FARS2: variants seen among roughly 807,000 people sequenced by gnomAD.
FARS2 encodes the protein phenylalanyl-tRNA synthetase 2, mitochondrial, also known as phenylalanine--tRNA ligase, mitochondrial.
A neutral mutation model predicts 46.4 loss-of-function variants in FARS2; 40 were observed. That is an observed-to-expected ratio of 0.86 (90% confidence interval 0.67 to 1.12). FARS2 has a LOEUF of 1.12. FARS2 is among the 50% of genes most tolerant of loss of function. The probability of loss-of-function intolerance (pLI) is 0.00; values close to 1 mark genes in which losing one functional copy is unlikely to be tolerated. For synonymous variants in FARS2, 234 were observed against 214.9 expected, an observed-to-expected ratio of 1.09 and a Z score of -0.78; for missense variants, 513 against 567.9, an observed-to-expected ratio of 0.90 and a Z score of 0.98.
intron 6 of FARS2, among the ~76,000 whole-genome samples, chr6:5,637,467 C>A (rs1272560990): frequency 6.6e-6 from 1 of 152,186 alleles, no homozygotes; most frequent in Non-Finnish European, 1.5e-5. Context: ...AGCAGCTCGC[C>A]CAGGGAGCCA....
At position 5,545,053 on chromosome 6, in the gene FARS2, C is replaced by T. The variant is rs1252954304; in HGVS notation, c.905-127C>T. Reference sequence around the variant, plus strand: ...GGCACCCTCATGGATGTCTTTGTAGCGGCTGCCCAGTGCCTTTGCCCGCTG... The same window carrying T: ...GGCACCCTCATGGATGTCTTTGTAGTGGCTGCCCAGTGCCTTTGCCCGCTG... On this transcript the variant is annotated intron_variant, in intron 4 of 6. Coordinates refer to ENST00000274680, the MANE Select transcript of FARS2 (RefSeq NM_006567.5). 34 of 789,420 alleles carry T rather than the reference C, an allele frequency of 4.3e-5. No homozygotes were observed. The East Asian group carries it at 5.2e-4, about 12-fold the overall frequency. The allele number at this position is 789,420 out of a possible 1,614,324, so 48.9% of individuals were successfully genotyped here. A position where few individuals can be genotyped will look rare whatever the true frequency, so the allele number is the denominator to read the frequency against.
intron 5 of FARS2, among the ~76,000 whole-genome samples, chr6:5,599,877 G>T (rs1774411284): frequency 6.6e-6 from 1 of 151,968 alleles, no homozygotes; most frequent in African/African-American, 2.4e-5. Flanking sequence ...AGATTTCTCA[G>T]GCTTGCTTCT....
chr6:5,473,818 A>G (rs1251517970), intron 4 of FARS2, among the ~76,000 whole-genome samples: 2 of 152,196 alleles, frequency 1.3e-5, no homozygotes, highest in African/African-American at 4.8e-5. Flanking sequence ...GTGTCTTTCA[A>G]TATAGTAGAA....
At chr6:5,348,984 C>T (rs1757408214) in intron 1 of FARS2, among the ~76,000 whole-genome samples, 1 of 151,948 alleles carries the variant, frequency 6.6e-6, no homozygotes, top group Admixed American at 6.6e-5. Flanking sequence ...TGCAATAAGG[C>T]AAGGAAAATA....
intron 2 of FARS2, among the ~76,000 whole-genome samples, chr6:5,373,672 T>G (rs1759199732): frequency 6.6e-6 from 1 of 152,104 alleles, no homozygotes; most frequent in Non-Finnish European, 1.5e-5. Flanking sequence ...TCAAGTGTCC[T>G]TAAATACTCT....
At chr6:5,351,383 T>A (rs1212930428) in intron 1 of FARS2, among the ~76,000 whole-genome samples, 1 of 152,230 alleles carries the variant, frequency 6.6e-6, no homozygotes, top group African/African-American at 2.4e-5. Context: ...TGTTTATAGA[T>A]TGCAGGAACA....
rs142453903 is a variant in FARS2, at chr6:5,581,894, C to T, written c.1066-31275C>T. ...CTAAATGGTCACAGTAACATACTTACGGTTAATTCCTGATGCGCTTCTATA... is the reference window on the plus strand; with the variant it reads ...CTAAATGGTCACAGTAACATACTTATGGTTAATTCCTGATGCGCTTCTATA... On this transcript the variant is annotated intron_variant, in intron 5 of 6. Coordinates refer to ENST00000274680, the MANE Select transcript of FARS2 (RefSeq NM_006567.5). Among the ~76,000 whole-genome samples, 400 of 151,520 alleles carry T rather than the reference C, an allele frequency of 2.6e-3. 2 individuals are homozygous for T. The highest frequency in any genetic ancestry group is 9.1e-3 in the African/African-American group (376 of 41,298).
intron 3 of FARS2, among the ~76,000 whole-genome samples, chr6:5,421,638 C>T (rs1371517590): frequency 2.0e-5 from 3 of 152,154 alleles, no homozygotes; most frequent in Non-Finnish European, 2.9e-5. Flanking sequence ...CTGCCAGATA[C>T]TCTAAATCAT....
At chr6:5,393,907 C>T (rs560309840) in intron 2 of FARS2, among the ~76,000 whole-genome samples, 1 of 152,150 alleles carries the variant, frequency 6.6e-6, no homozygotes, top group Non-Finnish European at 1.5e-5. Flanking sequence ...TCTCGAGCAT[C>T]CTGCTATGCA....
At chr6:5,761,976 G>A (rs1417139296) in intron 6 of FARS2, among the ~76,000 whole-genome samples, 2 of 152,178 alleles carry the variant, frequency 1.3e-5, no homozygotes, top group African/African-American at 2.4e-5. Context: ...TGTCTGTTTT[G>A]TTTTGTTTTT....
chr6:5,541,071 AT>A (rs1373806850), intron 4 of FARS2, among the ~76,000 whole-genome samples: 1 of 152,116 alleles, frequency 6.6e-6, no homozygotes, highest in African/African-American at 2.4e-5. Context: ...AGCACTTAGA[AT>A]ATGTAAGAGT....
intron 2 of FARS2, among the ~76,000 whole-genome samples, chr6:5,382,813 A>G (rs1037512621): frequency 2.0e-5 from 3 of 152,252 alleles, no homozygotes; most frequent in Non-Finnish European, 1.5e-5. Flanking sequence ...GACAAACATT[A>G]TAGTTTGTCA....
chr6:5,537,762 G>A (rs2150477397), intron 4 of FARS2, among the ~76,000 whole-genome samples: 1 of 152,346 alleles, frequency 6.6e-6, no homozygotes, highest in South Asian at 2.1e-4. Context: ...GGGTCGCCCT[G>A]TGGGATTAGA....
chr6:5,352,381 C>T (rs1368893212), intron 1 of FARS2, among the ~76,000 whole-genome samples: 2 of 151,566 alleles, frequency 1.3e-5, no homozygotes, highest in African/African-American at 2.4e-5. Flanking sequence ...AAATCTTAAA[C>T]TCTAACTTGA....
chr6:5,759,349 T>C (rs944866100), intron 6 of FARS2, among the ~76,000 whole-genome samples: 10 of 152,180 alleles, frequency 6.6e-5, no homozygotes, highest in African/African-American at 2.4e-4. Flanking sequence ...TCCATAACTT[T>C]TAGCACATTG....
chr6:5,309,138 A>G (rs1410250332), intron 1 of FARS2, among the ~76,000 whole-genome samples: 1 of 152,214 alleles, frequency 6.6e-6, no homozygotes, highest in African/African-American at 2.4e-5. Context: ...TGTGTACAAG[A>G]TAAACAGTGG....
intron 5 of FARS2, among the ~76,000 whole-genome samples, chr6:5,600,985 T>G (rs1774476938): frequency 6.6e-6 from 1 of 151,872 alleles, no homozygotes; most frequent in Non-Finnish European, 1.5e-5. Context: ...GGAATGGGAT[T>G]AGTGCCATTA....
intron 1 of FARS2, among the ~76,000 whole-genome samples, chr6:5,340,869 C>T (rs1342404936): frequency 4.0e-5 from 6 of 151,784 alleles, no homozygotes; most frequent in African/African-American, 9.7e-5. Flanking sequence ...ATGAGGAGGC[C>T]GGGCGCGGTG....
At chr6:5,387,908 C>T (rs1760240423) in intron 2 of FARS2, among the ~76,000 whole-genome samples, 1 of 152,154 alleles carries the variant, frequency 6.6e-6, no homozygotes, top group Admixed American at 6.5e-5. Context: ...TGTTTAATTT[C>T]AGAATAGTTC....
Sources: gnomAD v4.1 joint callset for allele counts (sites outside exome capture counted in the v4.1 genomes callset) on GRCh38, gnomAD v4.1.1 for gene constraint, MANE v1.5 for transcripts, NCBI Gene and HGNC (gene_info 2026-07-23, HGNC 2026-07-21) for gene names.